The following PSMB2 variants were observed in gnomAD, a reference collection of about 807,000 sequenced individuals.
PSMB2 encodes proteasome subunit beta type-2.
A neutral mutation model predicts 25.7 loss-of-function variants in PSMB2; 13 were observed. That is an observed-to-expected ratio of 0.51 (90% confidence interval 0.33 to 0.80). The LOEUF (loss-of-function observed/expected upper bound fraction) is 0.80, where lower values mean the gene tolerates loss of function less well. Among genes scored for constraint, PSMB2 ranks in the 30% least tolerant of loss-of-function variants. PSMB2 has a pLI of 0.02. For synonymous variants in PSMB2, 87 were observed against 96.2 expected (o/e 0.90, Z 0.56); for missense variants, 202 against 259.0 (o/e 0.78, Z 1.51).
At chr1:35,615,128 T>C (rs75851348) in intron 3 of PSMB2, among the ~76,000 whole-genome samples, 3,082 of 152,320 alleles carry the variant, frequency 0.02, 90 homozygotes, top group East Asian at 0.061. Flanking sequence ...TTTGACTGCA[T>C]TATCAACAGA....
rs1313569568 is a variant in PSMB2 at position 35,601,892 on chromosome 1, TA to T, written c.*1374del. On this transcript the variant is annotated 3_prime_UTR_variant, in exon 6 of 6. Coordinates refer to ENST00000373237, the MANE Select transcript of PSMB2 (RefSeq NM_002794.5). The stretch of plus-strand genomic sequence containing the variant: ...TTGTTCCCTAAAGTTATGCTAAGAG[TA>T]AAACGAGTAACTGGTTAACTGCCCA... The T allele has an allele frequency of 1.0e-6, 1 of 985,214 alleles. No individual in the cohort carries two copies. Among genetic ancestry groups the T allele is most frequent in the East Asian group, 1.1e-4 (1 of 8,822 alleles). The allele number at this position is 985,214 out of a possible 1,614,324, so 61.0% of individuals were successfully genotyped here. A position where few individuals can be genotyped will look rare whatever the true frequency, so the allele number is the denominator to read the frequency against.
intron 2 of PSMB2, among the ~76,000 whole-genome samples, chr1:35,634,850 C>A (rs115241434): frequency 0.041 from 6,150 of 151,480 alleles, 293 homozygotes; most frequent in African/African-American, 0.12. Context: ...TACAGTGGCA[C>A]AATCATAACT....
intron 2 of PSMB2, among the ~76,000 whole-genome samples, chr1:35,634,551 T>C (rs992730721): frequency 6.6e-6 from 1 of 151,966 alleles, no homozygotes; most frequent in African/African-American, 2.4e-5. Flanking sequence ...TAAATATTTT[T>C]ATTTTTTATA....
chr1:35,639,139 A>G (rs1651326522), intron 1 of PSMB2, among the ~76,000 whole-genome samples: 1 of 152,164 alleles, frequency 6.6e-6, no homozygotes. Flanking sequence ...CTGTAATCCC[A>G]GCTACTTGGA....
intron 3 of PSMB2, among the ~76,000 whole-genome samples, chr1:35,628,912 A>G (rs1275766954): frequency 6.6e-6 from 1 of 152,116 alleles, no homozygotes; most frequent in Non-Finnish European, 1.5e-5. Context: ...AAGCAAGTAC[A>G]GATGAAAACT....
chr1:35,615,188 T>C (rs1557450443), intron 3 of PSMB2, among the ~76,000 whole-genome samples: 2 of 152,222 alleles, frequency 1.3e-5, no homozygotes, highest in Admixed American at 6.5e-5. Context: ...GCCAATAAAA[T>C]TGTCCAACTT....
intron 1 of PSMB2, among the ~76,000 whole-genome samples, chr1:35,639,080 C>G (rs1651323729): frequency 6.6e-6 from 1 of 151,902 alleles, no homozygotes; most frequent in Non-Finnish European, 1.5e-5. Context: ...CTGGTGAAAC[C>G]CCGTTTCTAC....
At chr1:35,608,175 G>A (rs1404712905) in intron 4 of PSMB2, among the ~76,000 whole-genome samples, 3 of 152,106 alleles carry the variant, frequency 2.0e-5, no homozygotes, top group African/African-American at 7.2e-5. Flanking sequence ...GACCAGCCTG[G>A]CCAACATGGT....
intron 2 of PSMB2, 92 bp from the exon 3 acceptor site, chr1:35,631,436 C>A: frequency 6.3e-7 from 1 of 1,575,734 alleles, no homozygotes. Context: ...TAAAGCCCAC[C>A]ATCTTTTGTA....
chr1:35,616,392 ATTTTG>A (rs1470235084), intron 3 of PSMB2, among the ~76,000 whole-genome samples: 1 of 152,024 alleles, frequency 6.6e-6, no homozygotes, highest in African/African-American at 2.4e-5. Context: ...CATTTTAAGG[ATTTTG>A]TTTGTTTATT....
rs1649982199 is a variant in PSMB2, at chr1:35,601,148, C to T, written c.*2119G>A. 2.6e-6 allele frequency: 2 copies of T among 783,212 alleles called. No individual in the cohort carries two copies. Among genetic ancestry groups the T allele is most frequent in the African/African-American group, 1.9e-5 (1 of 51,666 alleles). 48.5% of individuals were successfully genotyped at this position (783,212 alleles called of 1,614,324 possible). On this transcript the variant is annotated 3_prime_UTR_variant, in exon 6 of 6. Coordinates refer to ENST00000373237, the MANE Select transcript of PSMB2 (RefSeq NM_002794.5). ...GTGGCATGATCTCGGCTCACTGCAA[C>T]CTCCCTCTCCCGGGCTCAAGCAATT...
rs1650274194 is a variant in PSMB2, at chr1:35,609,624, T to C, written c.286-216A>G. ...CTTGTTCTCTTTGAAAGGAAGGGCA[T>C]TTGGAGCACTTTAAGGTATATGAAA... is the stretch of plus-strand genomic sequence containing the variant. On this transcript the variant is annotated intron_variant, in intron 3 of 5. Coordinates refer to ENST00000373237, the MANE Select transcript of PSMB2 (RefSeq NM_002794.5). Among the ~76,000 whole-genome samples, 3 of 152,180 alleles carry C rather than the reference T, an allele frequency of 2.0e-5. No homozygotes were observed. The South Asian group carries it at 6.2e-4, about 32-fold the overall frequency.
At chr1:35,605,154 A>AAT in intron 5 of PSMB2, 79 bp downstream of exon 5, 1 of 1,435,792 alleles carries the variant, frequency 7.0e-7, no homozygotes, top group Non-Finnish European at 9.6e-7. Context: ...AATCTGAAAA[A>AAT]ATATAACTGA....
intron 3 of PSMB2, among the ~76,000 whole-genome samples, chr1:35,618,981 A>G (rs1045015007): frequency 6.6e-6 from 1 of 152,220 alleles, no homozygotes; most frequent in African/African-American, 2.4e-5. Flanking sequence ...TGCCTCAAAC[A>G]AAGCAAACCT....
chr1:35,609,673 A>G (rs1334580540), intron 3 of PSMB2, among the ~76,000 whole-genome samples: 1 of 152,234 alleles, frequency 6.6e-6, no homozygotes, highest in Non-Finnish European at 1.5e-5. Context: ...CTTAAAGTCT[A>G]TGGATGAGAA....
At chr1:35,633,089 T>C (rs1020146495) in intron 2 of PSMB2, among the ~76,000 whole-genome samples, 5 of 151,738 alleles carry the variant, frequency 3.3e-5, no homozygotes, top group Admixed American at 1.3e-4. Context: ...GGCATGGCGG[T>C]GCATGCCTAT....
rs1167968880 is a variant in PSMB2, at chr1:35,636,345, A to G, written c.179T>C (p.Ile60Thr). 6.2e-7 allele frequency: 1 copy of G among 1,614,168 alleles called. No individual in the cohort carries two copies. The highest frequency in any genetic ancestry group is 8.5e-7 in the Non-Finnish European group (1 of 1,180,016). ...AGDTVQFAEY[I>T]QKNVQLYKMR... ...CTTATAAAGTTGCACGTTTTTCTGA[A>G]TATATTCTGCAAACTGTACAGTGTC... is the stretch of plus-strand genomic sequence containing the variant. Residue 60 changes from isoleucine to threonine, a missense_variant, in exon 2 of 6, where the codon ATT becomes ACT. Transcript: ENST00000373237.
chr1:35,628,375 T>C (rs1650926472), intron 3 of PSMB2, among the ~76,000 whole-genome samples: 1 of 151,708 alleles, frequency 6.6e-6, no homozygotes, highest in Non-Finnish European at 1.5e-5. Context: ...GTGATATTTA[T>C]GACACAGTAT....
chr1:35,601,603 T>C lies in PSMB2; in HGVS notation c.*1664A>G. On this transcript the variant is annotated 3_prime_UTR_variant, in exon 6 of 6. Coordinates refer to ENST00000373237, the MANE Select transcript of PSMB2 (RefSeq NM_002794.5). ...CAAATCTAATGTTAACCCAATACTT[T>C]AATATGAACGTTATGATCAGTAGGT... 6.1e-6 allele frequency: 6 copies of C among 985,196 alleles called. No homozygotes were observed. The highest frequency in any genetic ancestry group is 7.2e-6 in the Non-Finnish European group (6 of 829,704). The allele number at this position is 985,196 out of a possible 1,614,324, so 61.0% of individuals were successfully genotyped here. A position where few individuals can be genotyped will look rare whatever the true frequency, so the allele number is the denominator to read the frequency against.
Sources: gnomAD v4.1 joint callset for allele counts (sites outside exome capture counted in the v4.1 genomes callset) on GRCh38, gnomAD v4.1.1 for gene constraint, MANE v1.5 for transcripts, NCBI Gene and HGNC (gene_info 2026-07-23, HGNC 2026-07-21) for gene names.